The following ECE1 variants were observed in gnomAD, a reference collection of about 807,000 sequenced individuals.
ECE1 encodes endothelin converting enzyme 1.
Under a neutral mutation model 98.6 loss-of-function variants are expected in ECE1, and 35 were observed. That is an observed-to-expected ratio of 0.35 (90% CI 0.27 to 0.47). ECE1 has a LOEUF of 0.47. ECE1 is among the 20% of genes least tolerant of loss of function. ECE1 has a pLI of 1.00. For missense variants in ECE1, 814 were observed against 1,025.3 expected (o/e 0.79, Z 2.81); for synonymous variants, 394 against 407.1 (o/e 0.97, Z 0.39).
At chr1:21,259,405 C>T (rs2098223955) in intron 5 of ECE1, among the ~76,000 whole-genome samples, 1 of 152,116 alleles carries the variant, frequency 6.6e-6, no homozygotes, top group Admixed American at 6.6e-5. Context: ...GTAGCTATGA[C>T]TACAGGTGTG....
intron 1 of ECE1, among the ~76,000 whole-genome samples, chr1:21,310,488 T>C (rs1378897234): frequency 6.6e-6 from 1 of 151,978 alleles, no homozygotes; most frequent in Non-Finnish European, 1.5e-5. Context: ...TCGGCTAAAC[T>C]CAGTAGGCGT....
rs998863081 is a variant in ECE1, at chr1:21,235,386, T to C, written c.1566+464A>G. Among the ~76,000 whole-genome samples the C allele has an allele frequency of 2.0e-5, 3 of 152,176 alleles. No individual in the cohort carries two copies. Among genetic ancestry groups the C allele is most frequent in the Non-Finnish European group, 4.4e-5 (3 of 68,034 alleles). On this transcript the variant is annotated intron_variant, in intron 13 of 18. Transcript: ENST00000374893. The surrounding 1 kb of genome is among the most constrained non-coding windows in gnomAD (Gnocchi z 4.2). The stretch of plus-strand genomic sequence containing the variant: ...AGTCAAAATCAGAGGTCCGGGTTTC[T>C]GGGGAGGTGGAGGAGGGCCGCAGGG...
At position 21,235,724 on chromosome 1, in the gene ECE1, C is replaced by T. The variant is rs1488909988; in HGVS notation, c.1566+126G>A. On this transcript the variant is annotated intron_variant, in intron 13 of 18. Transcript: ENST00000374893. This position sits in a 1 kb window ranked among gnomAD's most constrained non-coding sequence, Gnocchi z 4.2. ...GCCTGACCCATACCCAAGCCCCACA[C>T]CACATCATCCCTGTGTGTTTTGACA... is the stretch of plus-strand genomic sequence containing the variant. The T allele has an allele frequency of 5.8e-6, 6 of 1,026,582 alleles. No homozygotes were observed. The highest frequency in any genetic ancestry group is 1.7e-5 in the Admixed American group (1 of 58,888). The allele number at this position is 1,026,582 out of a possible 1,614,324, so 63.6% of individuals were successfully genotyped here.
At chr1:21,299,635 T>C (rs1045426573) in intron 1 of ECE1, 2 of 152,212 alleles carry the variant, frequency 1.3e-5, no homozygotes, top group African/African-American at 4.8e-5. Flanking sequence ...GGGTGTGGAC[T>C]TGGGAGCTAG....
intron 17 of ECE1, chr1:21,222,087 T>C (rs2098168155): frequency 9.1e-6 from 5 of 547,152 alleles, no homozygotes; most frequent in Non-Finnish European, 1.6e-5. Context: ...TCTTCCCTGA[T>C]GTGTATATTC....
chr1:21,224,024 G>C (rs1209068285), intron 17 of ECE1, among the ~76,000 whole-genome samples: 1 of 152,066 alleles, frequency 6.6e-6, no homozygotes, highest in Non-Finnish European at 1.5e-5. Flanking sequence ...CAGAAGCCTG[G>C]AGTGGTCTGG....
rs140832903 is a variant in ECE1, at chr1:21,225,330, C to T, written c.1960G>A (p.Val654Met). The T allele has an allele frequency of 1.1e-4, 177 of 1,614,248 alleles. No homozygotes were observed. In the East Asian group the frequency reaches 1.2e-3, roughly 11 times the overall value. The change falls in exon 17 of 19, where the codon GTG becomes ATG. Residue 654 changes from valine (V) to methionine (M), a missense_variant. Transcript: ENST00000374893. This position sits in a 1 kb window ranked among gnomAD's most constrained non-coding sequence, Gnocchi z 5.3. ...CGCCCGTTCACCGGCTCCCCGTTCACGCTGTAGTTGCTGTACTGCTCTACC... is the reference window on the plus strand; with the variant it reads ...CGCCCGTTCACCGGCTCCCCGTTCATGCTGTAGTTGCTGTACTGCTCTACC... ...CMVEQYSNYS[V>M]NGEPVNGRHT... is the part of the protein sequence containing the mutation.
intron 10 of ECE1, among the ~76,000 whole-genome samples, chr1:21,244,016 A>T (rs1450883081): frequency 6.6e-6 from 1 of 152,136 alleles, no homozygotes; most frequent in Non-Finnish European, 1.5e-5. Flanking sequence ...AGGAGCCCAC[A>T]TCCTGCCATT....
chr1:21,294,184 T>C (rs538196190), upstream of ECE1: 79 of 152,622 alleles, frequency 5.2e-4, no homozygotes, highest in African/African-American at 1.8e-3. This position sits in a 1 kb window ranked among gnomAD's most constrained non-coding sequence, Gnocchi z 4.2. Context: ...CCTGTGCTCC[T>C]TGTGGAAGAT....
At position 21,315,533 on chromosome 1, in the gene ECE1, T is replaced by C. The variant is rs150159197; in HGVS notation, c.4-25377A>G. ...TCCTGGCCGGGCATGGGGGCTCAGG[T>C]TTGTAGTCCCAGCACTTTGGGAGGC... On this transcript the variant is annotated intron_variant, in intron 1 of 18. Coordinates refer to the ECE1 transcript ENST00000415912. Among the ~76,000 whole-genome samples the C allele has an allele frequency of 4.9e-3, 747 of 152,114 alleles. 5 individuals carry two copies. Among genetic ancestry groups the C allele is most frequent in the African/African-American group, 0.016 (680 of 41,484 alleles).
In ECE1 at chr1:21,345,347, C is replaced by T; in HGVS notation, c.3+29G>A. ...CGCGACCGTCGAGGCTGGGCTGGACCGGACCAGACCTCCGCGCGCAGCACT... is the reference window on the plus strand; with the variant it reads ...CGCGACCGTCGAGGCTGGGCTGGACTGGACCAGACCTCCGCGCGCAGCACT... On this transcript the variant is annotated intron_variant, in intron 1 of 18. Coordinates refer to the ECE1 transcript ENST00000415912. The surrounding 1 kb of genome is among the most constrained non-coding windows in gnomAD (Gnocchi z 5.1). The T allele has an allele frequency of 1.5e-6, 2 of 1,356,180 alleles. No individual in the cohort carries two copies. Among genetic ancestry groups the T allele is most frequent in the South Asian group, 1.6e-5 (1 of 60,690 alleles). The allele number at this position is 1,356,180 out of a possible 1,614,324, so 84.0% of individuals were successfully genotyped here.
intron 10 of ECE1, among the ~76,000 whole-genome samples, chr1:21,244,635 G>A (rs1365382990): frequency 6.6e-6 from 1 of 152,126 alleles, no homozygotes; most frequent in Non-Finnish European, 1.5e-5. Context: ...GAACAGTCGC[G>A]TGGTGCTTCT....
intron 1 of ECE1, among the ~76,000 whole-genome samples, chr1:21,331,041 C>A (rs563429958): frequency 6.6e-6 from 1 of 152,028 alleles, no homozygotes; most frequent in African/African-American, 2.4e-5. Flanking sequence ...TTTGGGGGTC[C>A]GAGGCAGGAC....
At position 21,247,414 on chromosome 1, in the gene ECE1, C is replaced by T. The variant is rs1226825784; in HGVS notation, c.1021-51G>A. ...CCTGTGGGGCTGCTCCTCCTCACAG[C>T]CCAGGGCTCTAGGACGGGCTTCTAC... On this transcript the variant is annotated intron_variant, in intron 8 of 18. Transcript: ENST00000374893. 4 of 1,613,774 alleles carry T rather than the reference C, an allele frequency of 2.5e-6. No homozygotes were observed. The South Asian group carries it at 3.3e-5, about 13-fold the overall frequency.
At position 21,338,090 on chromosome 1, in the gene ECE1, A is replaced by G. The variant is rs554267791; in HGVS notation, c.3+7286T>C. Among the ~76,000 whole-genome samples the G allele has an allele frequency of 3.9e-5, 6 of 152,250 alleles. No homozygotes were observed. The South Asian group carries it at 1.2e-3, about 32-fold the overall frequency. On this transcript the variant is annotated intron_variant, in intron 1 of 18. Coordinates refer to the ECE1 transcript ENST00000415912. ...GCCCTCCCTCATCCCTCTCATGGCC[A>G]CATAGCTCTGAGGACATTTCAGCCC...
At chr1:21,306,529 G>A (rs990677297) in intron 1 of ECE1, among the ~76,000 whole-genome samples, 10 of 152,052 alleles carry the variant, frequency 6.6e-5, no homozygotes, top group African/African-American at 1.4e-4. Context: ...TAGGGACGGC[G>A]TTTCACCATG....
At chr1:21,335,972 C>T (rs562040101) in intron 1 of ECE1, among the ~76,000 whole-genome samples, 1 of 152,322 alleles carries the variant, frequency 6.6e-6, no homozygotes, top group East Asian at 1.9e-4. Flanking sequence ...AGCCCAAAGC[C>T]CAGGGTCTGG....
At chr1:21,270,342 T>C (rs1021331720) in intron 4 of ECE1, among the ~76,000 whole-genome samples, 1 of 152,364 alleles carries the variant, frequency 6.6e-6, no homozygotes, top group East Asian at 1.9e-4. Flanking sequence ...TCCGTGTCTC[T>C]CCTTCCTTCA....
At chr1:21,281,963 G>A (rs2098255078) in intron 2 of ECE1, among the ~76,000 whole-genome samples, 1 of 152,120 alleles carries the variant, frequency 6.6e-6, no homozygotes, top group South Asian at 2.1e-4. Flanking sequence ...CCAAAGTGCT[G>A]GACTGCACCT....
Sources: gnomAD v4.1 joint callset for allele counts (sites outside exome capture counted in the v4.1 genomes callset) on GRCh38, gnomAD v4.1.1 for gene constraint, Gnocchi (gnomAD v3.1) non-coding constraint, MANE v1.5 for transcripts, NCBI Gene and HGNC (gene_info 2026-07-23, HGNC 2026-07-21) for gene names.